The following PARD3B variants were observed in gnomAD, a reference collection of about 807,000 sequenced individuals.
The protein encoded by PARD3B is par-3 family cell polarity regulator beta.
In PARD3B, 103 loss-of-function variants were observed where a neutral mutation model predicts 130.2. That is an observed-to-expected ratio of 0.79 (90% CI 0.67 to 0.93). The LOEUF (loss-of-function observed/expected upper bound fraction) is 0.93, where lower values mean the gene tolerates loss of function less well. Among genes scored for constraint, PARD3B ranks in the 40% least tolerant of loss-of-function variants. PARD3B has a pLI of 0.00. For synonymous variants in PARD3B, 583 were observed against 553.2 expected (o/e 1.05, Z -0.76); for missense variants, 1,609 against 1,499.2 (o/e 1.07, Z -1.21).
chr2:205,424,266 C>T (rs578066079), intron 19 of PARD3B, among the ~76,000 whole-genome samples: 1 of 152,190 alleles, frequency 6.6e-6, no homozygotes, highest in African/African-American at 2.4e-5. Flanking sequence ...AGATGGAAAC[C>T]TCAGGTATGA....
At chr2:205,209,828 G>A (rs115221704) in intron 15 of PARD3B, among the ~76,000 whole-genome samples, 16 of 151,794 alleles carry the variant, frequency 1.1e-4, no homozygotes, top group Non-Finnish European at 2.1e-4. Context: ...AATGAATAAG[G>A]CCTAGTATTT....
intron 13 of PARD3B, among the ~76,000 whole-genome samples, chr2:205,182,893 C>T (rs943288827): frequency 6.6e-6 from 1 of 152,082 alleles, no homozygotes; most frequent in Non-Finnish European, 1.5e-5. Context: ...TGCACCCTCT[C>T]ATAACCACTG....
At chr2:205,286,509 G>C (rs1182857848) in intron 16 of PARD3B, among the ~76,000 whole-genome samples, 56 of 152,060 alleles carry the variant, frequency 3.7e-4, no homozygotes, top group Admixed American at 3.3e-3. Flanking sequence ...ATCAAATCTT[G>C]TTGTTAAGCA....
At chr2:204,774,111 C>T (rs940594855) in intron 2 of PARD3B, among the ~76,000 whole-genome samples, 3 of 151,948 alleles carry the variant, frequency 2.0e-5, no homozygotes, top group Non-Finnish European at 2.9e-5. Flanking sequence ...GCCTGGACTC[C>T]TCTTGATTTC....
chr2:205,509,461 C>T (rs768376968), intron 21 of PARD3B, among the ~76,000 whole-genome samples: 16 of 152,068 alleles, frequency 1.1e-4, no homozygotes, highest in Non-Finnish European at 1.9e-4. Flanking sequence ...CCCCTACCTC[C>T]GCATCATGGC....
intron 20 of PARD3B, among the ~76,000 whole-genome samples, chr2:205,491,542 G>T (rs2049712019): frequency 6.6e-6 from 1 of 152,172 alleles, no homozygotes; most frequent in Non-Finnish European, 1.5e-5. Context: ...CAGGTAGTGT[G>T]ATGCCTCCAG....
At chr2:205,172,412 TTGCCCAAA>T in intron 12 of PARD3B, 31 bp downstream of exon 12, 1 of 1,592,140 alleles carries the variant, frequency 6.3e-7, no homozygotes, top group Non-Finnish European at 8.6e-7. Context: ...CCTCAGCCAG[TTGCCCAAA>T]TTGCCACCAG....
chr2:204,707,227 G>T (rs1270004807), intron 2 of PARD3B, among the ~76,000 whole-genome samples: 1 of 152,170 alleles, frequency 6.6e-6, no homozygotes, highest in Non-Finnish European at 1.5e-5. Context: ...CAGACCACAT[G>T]AAGCCCGAGT....
intron 2 of PARD3B, 75 bp from the exon 3 acceptor site, chr2:204,965,077 T>C (rs905225754): frequency 7.1e-7 from 1 of 1,400,036 alleles, no homozygotes; most frequent in Non-Finnish European, 9.7e-7. Flanking sequence ...CAAATAAAGA[T>C]CACGTTCAGC....
intron 15 of PARD3B, among the ~76,000 whole-genome samples, chr2:205,199,181 A>C (rs1574362986): frequency 6.6e-6 from 1 of 152,180 alleles, no homozygotes; most frequent in Admixed American, 6.5e-5. Flanking sequence ...TGCATTAAAC[A>C]CTGGAGATGT....
intron 18 of PARD3B, among the ~76,000 whole-genome samples, chr2:205,338,072 C>T (rs1574740500): frequency 7.1e-6 from 1 of 141,120 alleles, no homozygotes; most frequent in Admixed American, 7.4e-5. Flanking sequence ...AGAATTGCTT[C>T]AACTCAGGAG....
At chr2:205,378,389 C>T (rs1041587851) in intron 18 of PARD3B, among the ~76,000 whole-genome samples, 2 of 152,140 alleles carry the variant, frequency 1.3e-5, no homozygotes, top group Admixed American at 6.5e-5. Context: ...CAGCCACCTC[C>T]CTAAGGGAAA....
intron 1 of PARD3B, among the ~76,000 whole-genome samples, chr2:204,587,316 C>T (rs986472438): frequency 2.0e-5 from 3 of 152,140 alleles, no homozygotes; most frequent in African/African-American, 7.2e-5. Flanking sequence ...CAGATTGCTG[C>T]ATTATTTAAA....
At chr2:205,295,862 T>C (rs1210953808) in intron 16 of PARD3B, among the ~76,000 whole-genome samples, 3 of 152,072 alleles carry the variant, frequency 2.0e-5, no homozygotes, top group Non-Finnish European at 2.9e-5. Flanking sequence ...CAGATGAACA[T>C]ATATATACCT....
chr2:204,737,734 C>T (rs903315222), intron 2 of PARD3B, among the ~76,000 whole-genome samples: 3 of 152,096 alleles, frequency 2.0e-5, no homozygotes, highest in Non-Finnish European at 4.4e-5. Flanking sequence ...TTTGGTCTAT[C>T]TTGAGTTGAT....
chr2:204,621,250 C>T (rs964934308), intron 1 of PARD3B, among the ~76,000 whole-genome samples: 7 of 151,660 alleles, frequency 4.6e-5, no homozygotes, highest in African/African-American at 7.2e-5. Context: ...GGGGTTAGGA[C>T]GACAAAACTT....
At chr2:204,774,324 A>G (rs558931624) in intron 2 of PARD3B, among the ~76,000 whole-genome samples, 1 of 152,122 alleles carries the variant, frequency 6.6e-6, no homozygotes, top group East Asian at 1.9e-4. Context: ...TGTCCTCAGA[A>G]TTCTCAGGAC....
intron 2 of PARD3B, among the ~76,000 whole-genome samples, chr2:204,826,832 C>T (rs1175779615): frequency 6.6e-6 from 1 of 151,856 alleles, no homozygotes. Context: ...CCAGCCTGGG[C>T]AACATAGCAA....
chr2:205,111,479 C>T (rs1464229270), intron 5 of PARD3B, among the ~76,000 whole-genome samples: 1 of 151,796 alleles, frequency 6.6e-6, no homozygotes, highest in African/African-American at 2.4e-5. Context: ...TGTAAAAACA[C>T]ATTATTAATG....
Sources: allele counts gnomAD v4.1 joint callset (sites outside exome capture counted in the v4.1 genomes callset), GRCh38; gene constraint gnomAD v4.1.1; transcripts MANE v1.5; gene names NCBI Gene and HGNC (gene_info 2026-07-23, HGNC 2026-07-21).